Variants in NXPH1 observed in about 807,000 individuals in gnomAD.
The protein encoded by NXPH1 is neurexophilin 1, also known as neurexophilin-1.
In NXPH1, 5 loss-of-function variants were observed where a neutral mutation model predicts 23.7. That is an observed-to-expected ratio of 0.21 (90% CI 0.11 to 0.44). The LOEUF is 0.44. Among genes scored for constraint, NXPH1 ranks in the 20% least tolerant of loss-of-function variants. The pLI is 0.99. For synonymous variants in NXPH1, 144 were observed against 122.2 expected (o/e 1.18, Z -1.18); for missense variants, 324 against 321.6 (o/e 1.01, Z -0.06).
intron 2 of NXPH1, among the ~76,000 whole-genome samples, chr7:8,715,416 G>T (rs1157449099): frequency 6.6e-6 from 1 of 152,088 alleles, no homozygotes; most frequent in Non-Finnish European, 1.5e-5. Context: ...TCTTCTGAAG[G>T]TGCTTTTATT....
intron 2 of NXPH1, among the ~76,000 whole-genome samples, chr7:8,745,892 C>T (rs922632862): frequency 3.3e-5 from 5 of 151,998 alleles, no homozygotes; most frequent in Non-Finnish European, 5.9e-5. Context: ...GGAAGAACTC[C>T]TCTGGCCCAT....
At chr7:8,526,475 G>A (rs767973350) in intron 2 of NXPH1, among the ~76,000 whole-genome samples, 1 of 152,150 alleles carries the variant, frequency 6.6e-6, no homozygotes, top group Non-Finnish European at 1.5e-5. Context: ...GTTTTGAAAT[G>A]TGAGGATAAG....
At chr7:8,530,580 T>C (rs1026725503) in intron 2 of NXPH1, among the ~76,000 whole-genome samples, 1 of 152,196 alleles carries the variant, frequency 6.6e-6, no homozygotes, top group African/African-American at 2.4e-5. Context: ...TCTGAGGAGA[T>C]GAGCAAGAAA....
chr7:8,462,466 C>A (rs372968805), intron 2 of NXPH1, among the ~76,000 whole-genome samples: 1 of 152,180 alleles, frequency 6.6e-6, no homozygotes, highest in Non-Finnish European at 1.5e-5. Flanking sequence ...CTGCTATTGT[C>A]ATCACTGAGA....
At chr7:8,563,727 C>T (rs1818490576) in intron 2 of NXPH1, among the ~76,000 whole-genome samples, 1 of 151,682 alleles carries the variant, frequency 6.6e-6, no homozygotes, top group Non-Finnish European at 1.5e-5. Flanking sequence ...ACAAATATCC[C>T]CAGCAAATGC....
chr7:8,633,121 C>T (rs1820159694), intron 2 of NXPH1, among the ~76,000 whole-genome samples: 1 of 152,148 alleles, frequency 6.6e-6, no homozygotes, highest in African/African-American at 2.4e-5. Context: ...GTTAATACAA[C>T]CATAATGTAT....
chr7:8,451,884 C>T (rs1308177157), intron 2 of NXPH1, among the ~76,000 whole-genome samples: 1 of 152,154 alleles, frequency 6.6e-6, no homozygotes, highest in Non-Finnish European at 1.5e-5. Context: ...GATCCTTTCC[C>T]CATTAGGCAT....
At chr7:8,454,668 C>A (rs1319819565) in intron 2 of NXPH1, among the ~76,000 whole-genome samples, 1 of 152,122 alleles carries the variant, frequency 6.6e-6, no homozygotes, top group East Asian at 1.9e-4. Context: ...CAAAAAGCCT[C>A]TTTAAAAAGA....
At chr7:8,644,954 T>G (rs533665668) in intron 2 of NXPH1, among the ~76,000 whole-genome samples, 3 of 152,358 alleles carry the variant, frequency 2.0e-5, no homozygotes, top group African/African-American at 7.2e-5. Flanking sequence ...TTTGGCAGTT[T>G]ACCTTTTTGC....
In NXPH1 at chr7:8,751,055, A is replaced by T; in HGVS notation, c.102A>T (p.Lys34Asn). ...LTNGGKSELL[K>N]SGSSKSTLKH... The stretch of plus-strand genomic sequence containing the variant: ...ACGGTGGAAAGTCAGAACTTCTGAA[A>T]TCAGGAAGCAGCAAATCCACACTAA... Residue 34 changes from lysine (K) to asparagine (N), a missense_variant, in exon 3 of 3, where the codon AAA becomes AAT. Coordinates refer to ENST00000405863, the MANE Select transcript of NXPH1 (RefSeq NM_152745.3). The surrounding 1 kb of genome is among the most constrained non-coding windows in gnomAD (Gnocchi z 4.5). The T allele has an allele frequency of 6.2e-7, 1 of 1,613,892 alleles. No individual in the cohort carries two copies. Among genetic ancestry groups the T allele is most frequent in the African/African-American group, 1.3e-5 (1 of 75,062 alleles).
chr7:8,494,347 A>G (rs994428022), intron 2 of NXPH1, among the ~76,000 whole-genome samples: 6 of 151,956 alleles, frequency 3.9e-5, no homozygotes, highest in African/African-American at 1.4e-4. Context: ...TTCAATTTTT[A>G]TCTCTTTGTA....
chr7:8,541,709 G>A (rs921122175), intron 2 of NXPH1, among the ~76,000 whole-genome samples: 1 of 151,524 alleles, frequency 6.6e-6, no homozygotes, highest in Non-Finnish European at 1.5e-5. Context: ...ATACATGGCA[G>A]TAAAAGCACA....
chr7:8,583,289 C>T lies in NXPH1; in HGVS notation c.54+147522C>T, dbSNP rs541778690. On this transcript the variant is annotated intron_variant, in intron 2 of 2. Coordinates refer to ENST00000405863, the MANE Select transcript of NXPH1 (RefSeq NM_152745.3). ...ATAGGTAGACACGCATTGTAAAGTG[C>T]CTTCTGGGGTCTGGAATCAGAGTGT... Among the ~76,000 whole-genome samples the T allele has an allele frequency of 3.3e-5, 5 of 152,312 alleles. No homozygotes were observed. The South Asian group carries it at 1.0e-3, about 32-fold the overall frequency.
chr7:8,506,897 C>A (rs1207202742), intron 2 of NXPH1, among the ~76,000 whole-genome samples: 5 of 152,004 alleles, frequency 3.3e-5, no homozygotes, highest in African/African-American at 9.7e-5. Flanking sequence ...GCATGCCCTG[C>A]AGCTCATGTG....
chr7:8,514,076 G>A (rs1817653981), intron 2 of NXPH1, among the ~76,000 whole-genome samples: 1 of 151,936 alleles, frequency 6.6e-6, no homozygotes. Flanking sequence ...TAACAGATTG[G>A]GGTCTATCCT....
chr7:8,566,986 G>A (rs1818559339), intron 2 of NXPH1, among the ~76,000 whole-genome samples: 1 of 151,800 alleles, frequency 6.6e-6, no homozygotes, highest in East Asian at 2.0e-4. Context: ...GATTCATGTG[G>A]CCTAAAATTT....
intron 2 of NXPH1, among the ~76,000 whole-genome samples, chr7:8,448,565 C>T (rs1056107417): frequency 6.6e-6 from 1 of 152,132 alleles, no homozygotes; most frequent in East Asian, 1.9e-4. Flanking sequence ...GCCTGTAATC[C>T]TAGCACTTTG....
At chr7:8,695,123 A>C (rs1222919177) in intron 2 of NXPH1, among the ~76,000 whole-genome samples, 1 of 152,216 alleles carries the variant, frequency 6.6e-6, no homozygotes, top group Admixed American at 6.5e-5. Flanking sequence ...ATTTTCTTCT[A>C]TATTAAATCT....
intron 2 of NXPH1, among the ~76,000 whole-genome samples, chr7:8,604,072 A>T (rs1248891724): frequency 6.6e-6 from 1 of 152,046 alleles, no homozygotes; most frequent in African/African-American, 2.4e-5. Context: ...GAGGAAAAAA[A>T]TAAAAAAAAA....
Sources: allele counts gnomAD v4.1 joint callset (sites outside exome capture counted in the v4.1 genomes callset), GRCh38; gene constraint gnomAD v4.1.1; non-coding constraint Gnocchi (gnomAD v3.1); transcripts MANE v1.5; gene names NCBI Gene and HGNC (gene_info 2026-07-23, HGNC 2026-07-21).